The following NAV2 variants were observed in gnomAD, a reference collection of about 807,000 sequenced individuals.
NAV2 encodes neuron navigator 2, also known as helicase, APC down-regulated 1.
NAV2 carries 54 observed loss-of-function variants against 223.2 expected under a neutral mutation model. The observed-to-expected ratio is 0.24, with a 90% CI of 0.19 to 0.30. The LOEUF is 0.30. Ranked by LOEUF, NAV2 falls within the 10% of genes least tolerant of loss-of-function variation. The pLI, the probability that NAV2 is intolerant of heterozygous loss-of-function variation, is 1.00. For synonymous variants in NAV2, 1,279 were observed against 1,239.3 expected, an observed-to-expected ratio of 1.03 and a Z score of -0.67; for missense variants, 2,806 against 3,147.5, an observed-to-expected ratio of 0.89 and a Z score of 2.60.
chr11:19,398,730 C>A (rs1849565208), intron 1 of NAV2, among the ~76,000 whole-genome samples: 1 of 152,196 alleles, frequency 6.6e-6, no homozygotes, highest in Non-Finnish European at 1.5e-5. Context: ...TATGACTTGA[C>A]CCATCATTTG....
chr11:19,472,916 G>A (rs1429953832), intron 1 of NAV2, among the ~76,000 whole-genome samples: 7 of 152,184 alleles, frequency 4.6e-5, no homozygotes, highest in African/African-American at 1.7e-4. Flanking sequence ...ACAATTAACT[G>A]GAGGTCTGCC....
At chr11:19,664,942 A>G (rs1036447698) in intron 1 of NAV2, among the ~76,000 whole-genome samples, 14 of 152,230 alleles carry the variant, frequency 9.2e-5, no homozygotes, top group Non-Finnish European at 2.1e-4. Flanking sequence ...AAAAACCAAG[A>G]GCTCAGAGAA....
At chr11:19,774,093 T>C (rs1467411637) in intron 1 of NAV2, among the ~76,000 whole-genome samples, 1 of 152,196 alleles carries the variant, frequency 6.6e-6, no homozygotes, top group Non-Finnish European at 1.5e-5. Context: ...CTGAGATGCT[T>C]CTCTCCTCTT....
In NAV2 at chr11:19,777,144, CT is replaced by C. The variant is rs576634772; in HGVS notation, c.268-55339del. On this transcript the variant is annotated intron_variant, in intron 1 of 37. Coordinates refer to ENST00000349880, the MANE Select transcript of NAV2 (RefSeq NM_145117.5). Reference sequence around the variant, plus strand: ...CGCCGCGGCCCCAGCGGCCTCCGCGCTGCGAGGAGCGGGCGCTTGGACACAG... The same window carrying C: ...CGCCGCGGCCCCAGCGGCCTCCGCGCGCGAGGAGCGGGCGCTTGGACACAG... Among the ~76,000 whole-genome samples the C allele has an allele frequency of 4.7e-3, 707 of 150,396 alleles. 13 individuals carry two copies. Among genetic ancestry groups the C allele is most frequent in the Admixed American group, 0.036 (545 of 15,150 alleles).
At chr11:19,822,873 G>A (rs1034095125) in intron 1 of NAV2, among the ~76,000 whole-genome samples, 1 of 152,146 alleles carries the variant, frequency 6.6e-6, no homozygotes, top group Non-Finnish European at 1.5e-5. Flanking sequence ...CAGTGCTCCT[G>A]GAACCCAGCT....
At chr11:20,097,268 C>G in intron 30 of NAV2, among the ~76,000 whole-genome samples, 1 of 152,064 alleles carries the variant, frequency 6.6e-6, no homozygotes, top group Non-Finnish European at 1.5e-5. Context: ...AGACTTCAGC[C>G]GAACTTAGGA....
At chr11:19,828,594 T>TC (rs1423396742) in intron 1 of NAV2, among the ~76,000 whole-genome samples, 4 of 152,220 alleles carry the variant, frequency 2.6e-5, no homozygotes, top group East Asian at 1.9e-4. Context: ...GCTCAGGTGA[T>TC]CCCCCCACGT....
intron 17 of NAV2, among the ~76,000 whole-genome samples, chr11:20,052,206 T>C (rs573129740): frequency 1.0e-3 from 158 of 152,364 alleles, no homozygotes; most frequent in African/African-American, 3.5e-3. Context: ...AATGTTTCAT[T>C]GCTGTCATGT....
At chr11:19,899,577 C>A (rs2042274231) in intron 6 of NAV2, among the ~76,000 whole-genome samples, 1 of 152,090 alleles carries the variant, frequency 6.6e-6, no homozygotes, top group South Asian at 2.1e-4. Context: ...GACTGGTTGT[C>A]GTGACAGGCA....
chr11:19,713,547 C>G lies in NAV2; in HGVS notation c.-149C>G. The G allele has an allele frequency of 1.4e-6, 2 of 1,405,950 alleles. No individual in the cohort carries two copies. Among genetic ancestry groups the G allele is most frequent in the South Asian group, 3.4e-5 (2 of 58,716 alleles). 87.1% of individuals were successfully genotyped at this position (1,405,950 alleles called of 1,614,324 possible). ...CGCTCGCCCGATTGCTTCGAGTTCCCCGACCTGGGGATTTTTTTTTTAGCC... is the reference window on the plus strand; with the variant it reads ...CGCTCGCCCGATTGCTTCGAGTTCCGCGACCTGGGGATTTTTTTTTTAGCC... On this transcript the variant is annotated 5_prime_UTR_variant, in exon 1 of 38. Coordinates refer to ENST00000349880, the MANE Select transcript of NAV2 (RefSeq NM_145117.5). This position sits in a 1 kb window ranked among gnomAD's most constrained non-coding sequence, Gnocchi z 7.2.
intron 8 of NAV2, among the ~76,000 whole-genome samples, chr11:19,944,845 T>C (rs1039253116): frequency 5.3e-5 from 8 of 149,786 alleles, no homozygotes; most frequent in African/African-American, 2.0e-4. Context: ...CTTGCCTTCT[T>C]GTCTTTCTGT....
rs187089852 is a variant in NAV2 at position 19,590,542 on chromosome 11, A to C, written c.75+239515A>C. ...GAGGTCCTTTTCGGTTGCTCCTTTT[A>C]ATCCAATTCTTGCTTCAGAAGCTTG... On this transcript the variant is annotated intron_variant, in intron 1 of 37. Transcript: ENST00000360655. Among the ~76,000 whole-genome samples the C allele has an allele frequency of 5.9e-5, 9 of 152,304 alleles. No homozygotes were observed. In the East Asian group the frequency reaches 1.7e-3, roughly 29 times the overall value.
chr11:19,841,689 A>G (rs919263856), intron 2 of NAV2, among the ~76,000 whole-genome samples: 10 of 152,298 alleles, frequency 6.6e-5, no homozygotes, highest in African/African-American at 2.4e-4. Context: ...GAGTGAGGAC[A>G]TGGGATTGCA....
chr11:19,987,198 G>T (rs2050869721), intron 11 of NAV2, among the ~76,000 whole-genome samples: 1 of 152,148 alleles, frequency 6.6e-6, no homozygotes, highest in Non-Finnish European at 1.5e-5. Context: ...AAGGTAGTAT[G>T]CAAGTGGCTG....
At chr11:20,043,845 A>T in intron 12 of NAV2, 136 bp from the exon 13 acceptor site, 1 of 761,864 alleles carries the variant, frequency 1.3e-6, no homozygotes, top group Non-Finnish European at 2.1e-6. Flanking sequence ...ACCAGAGTAC[A>T]AAAGTCCAAA....
chr11:19,610,918 C>T (rs557931526), intron 1 of NAV2, among the ~76,000 whole-genome samples: 38 of 151,682 alleles, frequency 2.5e-4, no homozygotes, highest in Non-Finnish European at 2.4e-4. Flanking sequence ...AGCACCTCCT[C>T]GTCTTTCTCC....
chr11:19,868,260 A>G (rs1011054398), intron 3 of NAV2, among the ~76,000 whole-genome samples: 4 of 152,206 alleles, frequency 2.6e-5, no homozygotes, highest in Admixed American at 6.5e-5. Flanking sequence ...AGCCCTGACA[A>G]CTGAAGTAAA....
intron 11 of NAV2, among the ~76,000 whole-genome samples, chr11:20,023,714 G>GTGTGTA (rs2054759024): frequency 2.0e-5 from 3 of 151,760 alleles, no homozygotes; most frequent in African/African-American, 7.3e-5. Flanking sequence ...GTGTGTGTGT[G>GTGTGTA]TGTGTGTGTG....
At chr11:19,481,820 T>C (rs1263000370) in intron 1 of NAV2, among the ~76,000 whole-genome samples, 1 of 152,188 alleles carries the variant, frequency 6.6e-6, no homozygotes, top group Non-Finnish European at 1.5e-5. Context: ...CCACTAAATA[T>C]CTACAATGTC....
Sources: gnomAD v4.1 joint callset for allele counts (sites outside exome capture counted in the v4.1 genomes callset) on GRCh38, gnomAD v4.1.1 for gene constraint, Gnocchi (gnomAD v3.1) non-coding constraint, MANE v1.5 for transcripts, NCBI Gene and HGNC (gene_info 2026-07-23, HGNC 2026-07-21) for gene names.